GRK5: variants seen among roughly 807,000 people sequenced by gnomAD.
GRK5 encodes the protein G protein-coupled receptor kinase 5, also known as g protein-coupled receptor kinase GRK5.
In GRK5, 40 loss-of-function variants were observed where a neutral mutation model predicts 78.4. The observed-to-expected ratio is 0.51, with a 90% CI of 0.40 to 0.66. The LOEUF is 0.66. GRK5 is among the 30% of genes least tolerant of loss of function. The pLI, the probability that GRK5 is intolerant of heterozygous loss-of-function variation, is 0.00. For missense variants in GRK5, 598 were observed against 759.9 expected, an observed-to-expected ratio of 0.79 and a Z score of 2.50; for synonymous variants, 289 against 296.8, an observed-to-expected ratio of 0.97 and a Z score of 0.27.
At position 119,380,974 on chromosome 10, in the gene GRK5, G is replaced by A. The variant is rs367860699; in HGVS notation, c.261+47G>A. On this transcript the variant is annotated intron_variant, in intron 3 of 15. Transcript: ENST00000392870. ...ATGGTCCTGTGGTCCTCTGTGATCA[G>A]TGATTGTTTTGGCTCAAAGGAAAAA... 4 of 1,204,034 alleles carry A rather than the reference G, an allele frequency of 3.3e-6. No homozygotes were observed. The African/African-American group carries it at 6.0e-5, about 18-fold the overall frequency. The allele number at this position is 1,204,034 out of a possible 1,614,324, so 74.6% of individuals were successfully genotyped here.
At chr10:119,386,738 G>A (rs1291195397) in intron 3 of GRK5, among the ~76,000 whole-genome samples, 1 of 152,172 alleles carries the variant, frequency 6.6e-6, no homozygotes, top group East Asian at 1.9e-4. Context: ...TTTTACGCAC[G>A]GAGACTTTAT....
chr10:119,289,140 T>A (rs1189359805), intron 1 of GRK5, among the ~76,000 whole-genome samples: 1 of 152,226 alleles, frequency 6.6e-6, no homozygotes, highest in African/African-American at 2.4e-5. Context: ...GATTTTTTTT[T>A]ATTTAAAAAA....
At chr10:119,243,963 G>C (rs1849065913) in intron 1 of GRK5, among the ~76,000 whole-genome samples, 1 of 152,220 alleles carries the variant, frequency 6.6e-6, no homozygotes, top group Non-Finnish European at 1.5e-5. Context: ...TGTCCTTTCT[G>C]TCACGTTATG....
At chr10:119,439,624 C>T in intron 9 of GRK5, 107 bp from the exon 10 acceptor site, 1 of 956,976 alleles carries the variant, frequency 1.0e-6, no homozygotes, top group Non-Finnish European at 1.7e-6. Flanking sequence ...GAAGGAAACA[C>T]ACTGTGGCCA....
rs374284602 is a variant in GRK5 at position 119,458,189 on chromosome 10, CTT to C, written c.*3124_*3125del. 6.6e-6 allele frequency: 1 copy of C among 152,134 alleles called. No homozygotes were observed. Among genetic ancestry groups the C allele is most frequent in the African/African-American group, 2.4e-5 (1 of 41,406 alleles). The allele number at this position is 152,134 out of a possible 1,614,324, so 9.4% of individuals were successfully genotyped here. A position where few individuals can be genotyped will look rare whatever the true frequency, so the allele number is the denominator to read the frequency against. On this transcript the variant is annotated 3_prime_UTR_variant, in exon 16 of 16. Coordinates refer to ENST00000392870, the MANE Select transcript of GRK5 (RefSeq NM_005308.3). ...CACCAGACGTTCACTGACTTCGTGACTTTGAGGTGAGACATGGGATCTCTCAG... is the reference window on the plus strand; with the variant it reads ...CACCAGACGTTCACTGACTTCGTGACTGAGGTGAGACATGGGATCTCTCAG...
intron 1 of GRK5, among the ~76,000 whole-genome samples, chr10:119,210,315 C>G (rs1848466873): frequency 6.6e-6 from 1 of 152,200 alleles, no homozygotes; most frequent in South Asian, 2.1e-4. Flanking sequence ...ACCTCATTTA[C>G]AATTTGCATC....
chr10:119,409,017 A>C (rs536753153), intron 4 of GRK5, among the ~76,000 whole-genome samples: 103 of 152,276 alleles, frequency 6.8e-4, no homozygotes, highest in Non-Finnish European at 1.1e-3. Context: ...CAGGTGTAGC[A>C]GGGGGCAAGC....
chr10:119,351,818 C>A (rs1851189227), intron 2 of GRK5, among the ~76,000 whole-genome samples: 1 of 152,202 alleles, frequency 6.6e-6, no homozygotes, highest in Non-Finnish European at 1.5e-5. Context: ...GTAGTCCCAA[C>A]TGACAGCTGA....
chr10:119,284,654 C>T (rs1564876350), intron 1 of GRK5, among the ~76,000 whole-genome samples: 1 of 152,174 alleles, frequency 6.6e-6, no homozygotes, highest in Non-Finnish European at 1.5e-5. Context: ...GCCTCTCAGT[C>T]GTCAGTGGGT....
chr10:119,319,212 G>A (rs777289477), intron 1 of GRK5, among the ~76,000 whole-genome samples: 3 of 152,186 alleles, frequency 2.0e-5, no homozygotes, highest in Non-Finnish European at 2.9e-5. Flanking sequence ...GCTGGCAGCC[G>A]AGGGGGCCCC....
chr10:119,226,569 C>T (rs367992359), intron 1 of GRK5, among the ~76,000 whole-genome samples: 1 of 140,972 alleles, frequency 7.1e-6, no homozygotes, highest in African/African-American at 2.6e-5. Flanking sequence ...TTTTTTGAGA[C>T]ACAGTCTCAC....
chr10:119,344,891 TTCCTTCCTTCC>T lies in GRK5; in HGVS notation c.148+18282_148+18292del, dbSNP rs1466821259. Among the ~76,000 whole-genome samples the T allele has an allele frequency of 1.6e-3, 199 of 128,076 alleles. 1 individual carries two copies. The highest frequency in any genetic ancestry group is 6.0e-3 in the African/African-American group (198 of 33,008). 84.0% of individuals were successfully genotyped at this position (128,076 alleles called of 152,430 possible). ...GACCCACCCTTCCTTCCTTCCTTCC[TTCCTTCCTTCC>T]TTCCTTCCTTCCTTCCTTCCTTCCT... On this transcript the variant is annotated intron_variant, in intron 2 of 15. Coordinates refer to ENST00000392870, the MANE Select transcript of GRK5 (RefSeq NM_005308.3).
chr10:119,319,299 C>G (rs1054311746), intron 1 of GRK5, among the ~76,000 whole-genome samples: 3 of 152,318 alleles, frequency 2.0e-5, no homozygotes, highest in African/African-American at 7.2e-5. Context: ...TTCTAAAGGG[C>G]CAGTGGCAGC....
chr10:119,436,968 C>G (rs764525423), intron 9 of GRK5, 127 bp downstream of exon 9: 6 of 856,488 alleles, frequency 7.0e-6, no homozygotes, highest in Non-Finnish European at 8.7e-6. Context: ...GGGGAGGATG[C>G]AGAGTCAGAC....
At chr10:119,255,802 C>T (rs971293081) in intron 1 of GRK5, among the ~76,000 whole-genome samples, 3 of 152,090 alleles carry the variant, frequency 2.0e-5, no homozygotes, top group East Asian at 1.9e-4. Flanking sequence ...TGCTAGCAGT[C>T]GTAGGTACAC....
intron 1 of GRK5, among the ~76,000 whole-genome samples, chr10:119,262,078 C>G (rs1160529744): frequency 6.6e-6 from 1 of 152,218 alleles, no homozygotes; most frequent in Non-Finnish European, 1.5e-5. Context: ...AACTCACTTT[C>G]ATTCTGTACA....
chr10:119,314,955 C>G (rs184636087), intron 1 of GRK5, among the ~76,000 whole-genome samples: 26 of 152,350 alleles, frequency 1.7e-4, no homozygotes, highest in Admixed American at 1.7e-3. Context: ...GCCATAGAGA[C>G]AGAACGAGAC....
chr10:119,442,149 C>T (rs952840499), intron 11 of GRK5, 61 bp downstream of exon 11: 62 of 1,399,964 alleles, frequency 4.4e-5, no homozygotes, highest in Middle Eastern at 1.8e-4. Flanking sequence ...CACCGCCGGC[C>T]GAGCCCCCAG....
At chr10:119,287,552 G>A (rs979377794) in intron 1 of GRK5, among the ~76,000 whole-genome samples, 1 of 152,056 alleles carries the variant, frequency 6.6e-6, no homozygotes, top group Non-Finnish European at 1.5e-5. Flanking sequence ...AGGCCCTCAA[G>A]GAAAAAAATG....
Sources: allele counts gnomAD v4.1 joint callset (sites outside exome capture counted in the v4.1 genomes callset), GRCh38; gene constraint gnomAD v4.1.1; transcripts MANE v1.5; gene names NCBI Gene and HGNC (gene_info 2026-07-23, HGNC 2026-07-21).